The following DNAI3 variants were observed in gnomAD, a reference collection of about 807,000 sequenced individuals.
DNAI3 encodes WD repeat domain 63.
A neutral mutation model predicts 115.5 loss-of-function variants in DNAI3; 83 were observed. The observed-to-expected ratio is 0.72, with a 90% CI of 0.60 to 0.86. DNAI3 has a LOEUF of 0.86. Ranked by LOEUF, DNAI3 falls within the 40% of genes least tolerant of loss-of-function variation. DNAI3 has a pLI of 0.00. For missense variants in DNAI3, 1,004 were observed against 1,075.8 expected, an observed-to-expected ratio of 0.93 and a Z score of 0.93; for synonymous variants, 320 against 347.0, an observed-to-expected ratio of 0.92 and a Z score of 0.86.
chr1:85,108,041 GT>G lies in DNAI3; in HGVS notation c.1567del (p.Trp523GlyfsTer9). ...ATATAAATTTTTTTTAGCACAATAT[GT>G]TTTTGGGATATTAGACCACAGAAAC... ...LVTCSADCTICFWDIRPQKPL... is the reference protein window; with the variant it reads ...LVTCSADCTIXFWDIRPQKPL... On this transcript the variant is annotated frameshift_variant, in exon 15 of 23. Coordinates refer to ENST00000294664, the MANE Select transcript of DNAI3 (RefSeq NM_145172.5). LOFTEE classifies it high-confidence loss of function. 6.4e-7 allele frequency: 1 copy of G among 1,572,352 alleles called. No individual in the cohort carries two copies. Among genetic ancestry groups the G allele is most frequent in the Non-Finnish European group, 8.6e-7 (1 of 1,164,708 alleles).
chr1:85,108,114 A>C lies in DNAI3; in HGVS notation c.1635A>C (p.Glu545Asp), dbSNP rs1557720736. The part of the protein sequence containing the change: ...TTEKKKEESI[E>D]IPFDVPSTFL... ...AGAAAAAGAAGGAGGAAAGTATTGA[A>C]ATTCCTTTTGATGTACCATCTACTT... Residue 545 changes from glutamate (E) to aspartate (D), a missense_variant, in exon 15 of 23, where the codon GAA (glutamate) becomes GAC (aspartate). Glu to Asp is a conservative substitution (Grantham distance 45). Transcript: ENST00000294664. The C allele has an allele frequency of 1.2e-6, 2 of 1,610,430 alleles. No individual in the cohort carries two copies. The highest frequency in any genetic ancestry group is 1.7e-5 in the Admixed American group (1 of 59,468).
chr1:85,111,523 A>G (rs1655662752), intron 16 of DNAI3, among the ~76,000 whole-genome samples: 1 of 152,232 alleles, frequency 6.6e-6, no homozygotes, highest in African/African-American at 2.4e-5. Flanking sequence ...CAGGGGTACG[A>G]TGGTGAGCAA....
chr1:85,097,981 A>C (rs1655174792), intron 12 of DNAI3, among the ~76,000 whole-genome samples: 1 of 152,186 alleles, frequency 6.6e-6, no homozygotes, highest in Non-Finnish European at 1.5e-5. Context: ...AGAAGAGCGG[A>C]TACCCAGGCT....
chr1:85,093,316 G>C (rs1655035071), intron 8 of DNAI3, 142 bp from the exon 9 acceptor site: 2 of 824,004 alleles, frequency 2.4e-6, no homozygotes, highest in Non-Finnish European at 3.7e-6. Context: ...TTTCACATGA[G>C]GTTAATCATT....
At chr1:85,089,225 A>G (rs1209109416) in intron 7 of DNAI3, among the ~76,000 whole-genome samples, 3 of 151,930 alleles carry the variant, frequency 2.0e-5, no homozygotes, top group African/African-American at 7.3e-5. Flanking sequence ...TTTCATTTAG[A>G]GATGAGAACA....
intron 3 of DNAI3, among the ~76,000 whole-genome samples, chr1:85,077,689 A>G (rs1654502087): frequency 6.6e-6 from 1 of 152,160 alleles, no homozygotes; most frequent in South Asian, 2.1e-4. Context: ...AAGGAGGTGT[A>G]TTGGAAGGCA....
chr1:85,083,865 A>G (rs1654705418), intron 5 of DNAI3, among the ~76,000 whole-genome samples: 1 of 151,994 alleles, frequency 6.6e-6, no homozygotes, highest in Admixed American at 6.6e-5. Context: ...ACTTTACCAT[A>G]TATTTATGTT....
chr1:85,110,660 A>C (rs946439220), intron 16 of DNAI3, among the ~76,000 whole-genome samples: 3 of 152,086 alleles, frequency 2.0e-5, no homozygotes, highest in African/African-American at 7.2e-5. Context: ...GATTCAGTTC[A>C]TTTCAGCTTC....
At chr1:85,081,476 AC>A in intron 4 of DNAI3, 61 bp downstream of exon 4, 1 of 1,442,844 alleles carries the variant, frequency 6.9e-7, no homozygotes, top group Non-Finnish European at 9.1e-7. Context: ...GTACATAATA[AC>A]AAAAGTTGGA....
chr1:85,085,814 GT>G lies in DNAI3; in HGVS notation c.541-14del. 6.2e-7 allele frequency: 1 copy of G among 1,610,432 alleles called. No homozygotes were observed. The highest frequency in any genetic ancestry group is 8.5e-7 in the Non-Finnish European group (1 of 1,177,532). On this transcript the variant is annotated splice_polypyrimidine_tract_variant and intron_variant, in intron 6 of 22. Coordinates refer to ENST00000294664, the MANE Select transcript of DNAI3 (RefSeq NM_145172.5). Reference sequence around the variant, plus strand: ...GGGACTTCATTATGTTACCTTTACTGTTTACATGTGTTACAGATTACATATA... The same window carrying G: ...GGGACTTCATTATGTTACCTTTACTGTTACATGTGTTACAGATTACATATA...
intron 17 of DNAI3, 41 bp downstream of exon 17, chr1:85,117,900 A>G (rs1655880514): frequency 6.3e-7 from 1 of 1,585,784 alleles, no homozygotes; most frequent in Non-Finnish European, 8.6e-7. Context: ...ATACTTATTT[A>G]TACTAAAATA....
At chr1:85,070,086 C>G (rs1654221772) in intron 1 of DNAI3, among the ~76,000 whole-genome samples, 1 of 151,998 alleles carries the variant, frequency 6.6e-6, no homozygotes, top group Non-Finnish European at 1.5e-5. Context: ...TATGGTGAAG[C>G]CCCGTCTCTA....
intron 1 of DNAI3, 38 bp from the exon 2 acceptor site, chr1:85,071,890 T>A: frequency 6.4e-7 from 1 of 1,563,998 alleles, no homozygotes. Context: ...TGTTTGCAAA[T>A]TGTAACAATT....
intron 2 of DNAI3, among the ~76,000 whole-genome samples, chr1:85,072,322 T>C (rs1433193756): frequency 2.6e-5 from 4 of 152,226 alleles, no homozygotes; most frequent in Admixed American, 2.0e-4. Flanking sequence ...TTTGCACTTA[T>C]ATTTTGTGTT....
intron 13 of DNAI3, among the ~76,000 whole-genome samples, chr1:85,100,548 T>C (rs1336673734): frequency 6.6e-6 from 1 of 152,164 alleles, no homozygotes; most frequent in Non-Finnish European, 1.5e-5. Context: ...GTTCAACCAT[T>C]GTGGAAGACA....
intron 19 of DNAI3, among the ~76,000 whole-genome samples, chr1:85,126,020 A>C (rs1211772491): frequency 6.6e-6 from 1 of 152,132 alleles, no homozygotes; most frequent in Non-Finnish European, 1.5e-5. Flanking sequence ...TTATATGAGA[A>C]TTTGCCAATT....
chr1:85,094,660 T>C, intron 10 of DNAI3, 105 bp downstream of exon 10: 1 of 1,338,732 alleles, frequency 7.5e-7, no homozygotes, highest in Non-Finnish European at 1.0e-6. Context: ...TGTAATGTTG[T>C]AAACATTTAT....
At chr1:85,101,495 C>CG (rs1298781298) in intron 13 of DNAI3, among the ~76,000 whole-genome samples, 2 of 151,900 alleles carry the variant, frequency 1.3e-5, no homozygotes, top group African/African-American at 4.8e-5. Flanking sequence ...GAGGCCGAGG[C>CG]GGGCAGATCA....
chr1:85,094,664 C>A, intron 10 of DNAI3, 109 bp downstream of exon 10: 1 of 1,342,872 alleles, frequency 7.4e-7, no homozygotes, highest in Non-Finnish European at 1.0e-6. Context: ...ATGTTGTAAA[C>A]ATTTATAAAG....
Sources: gnomAD v4.1 joint callset for allele counts (sites outside exome capture counted in the v4.1 genomes callset) on GRCh38, gnomAD v4.1.1 for gene constraint, MANE v1.5 for transcripts, NCBI Gene and HGNC (gene_info 2026-07-23, HGNC 2026-07-21) for gene names.